Variants in DENND1A observed in about 807,000 individuals in gnomAD.
DENND1A encodes DENN domain containing 1A, also known as DENN domain-containing protein 1A.
In DENND1A, 51 loss-of-function variants were observed where a neutral mutation model predicts 113.7. That is an observed-to-expected ratio of 0.45 (90% confidence interval 0.36 to 0.57). The LOEUF (loss-of-function observed/expected upper bound fraction) is 0.57. Among genes scored for constraint, DENND1A ranks in the 20% least tolerant of loss-of-function variants. The pLI is 0.00. For missense variants in DENND1A, 1,258 were observed against 1,395.9 expected, an observed-to-expected ratio of 0.90 and a Z score of 1.57; for synonymous variants, 565 against 570.8, an observed-to-expected ratio of 0.99 and a Z score of 0.14.
intron 8 of DENND1A, 160 bp from the exon 9 acceptor site, chr9:123,652,283 A>T (rs973469075): frequency 3.3e-6 from 2 of 599,588 alleles, no homozygotes; most frequent in Admixed American, 5.9e-5. Flanking sequence ...CCACATGTGT[A>T]AAATCATGAA....
At chr9:123,662,068 G>A (rs939759100) in intron 8 of DENND1A, among the ~76,000 whole-genome samples, 2 of 152,158 alleles carry the variant, frequency 1.3e-5, no homozygotes, top group African/African-American at 4.8e-5. Context: ...GATGAAAACA[G>A]GCCCGTAGCA....
At chr9:123,554,534 T>C (rs554915879) in intron 13 of DENND1A, among the ~76,000 whole-genome samples, 1 of 152,346 alleles carries the variant, frequency 6.6e-6, no homozygotes, top group South Asian at 2.1e-4. Flanking sequence ...ATTAAATCTA[T>C]AGTTTAAAAA....
intron 13 of DENND1A, among the ~76,000 whole-genome samples, chr9:123,466,755 T>C (rs945647393): frequency 6.6e-6 from 1 of 152,154 alleles, no homozygotes; most frequent in African/African-American, 2.4e-5. Flanking sequence ...ATAAGAAATA[T>C]GATAGGTTTC....
In DENND1A at chr9:123,651,709, G is replaced by A. The variant is rs377613313; in HGVS notation, c.618+304C>T. Among the ~76,000 whole-genome samples, 8 of 152,186 alleles carry A rather than the reference G, an allele frequency of 5.3e-5. 1 individual carries two copies. Among genetic ancestry groups the A allele is most frequent in the Admixed American group, 1.3e-4 (2 of 15,288 alleles). ...GGATTTAGTAAATAATGACACACCCGTATCATGAAATATGGTGTAGACATT... is the reference window on the plus strand; with the variant it reads ...GGATTTAGTAAATAATGACACACCCATATCATGAAATATGGTGTAGACATT... On this transcript the variant is annotated intron_variant, in intron 9 of 23. Transcript: ENST00000394215.
At chr9:123,409,445 C>G (rs1156314235) in intron 20 of DENND1A, among the ~76,000 whole-genome samples, 1 of 151,654 alleles carries the variant, frequency 6.6e-6, no homozygotes, top group Non-Finnish European at 1.5e-5. Flanking sequence ...TAGGGGCACA[C>G]AACCAGGAAG....
intron 13 of DENND1A, among the ~76,000 whole-genome samples, chr9:123,520,147 CAAAAA>C (rs777054330): frequency 5.4e-5 from 2 of 37,318 alleles, no homozygotes; most frequent in Admixed American, 6.0e-4. Flanking sequence ...GATCCTGTCT[CAAAAA>C]AAAAAAAAAA....
rs770150522 is a variant in DENND1A, at chr9:123,457,865, G to T, written c.1026C>A (p.Phe342Leu). Residue 342 changes from phenylalanine (F) to leucine (L), a missense_variant, in exon 14 of 24, where the codon TTC (phenylalanine) becomes TTA (leucine). Phe to Leu is a conservative substitution (Grantham distance 22). This residue lies in a region of DENND1A where 1,159 missense variants were observed against 1,231.7 expected (regional missense o/e 0.94). Transcript: ENST00000394215. Reference sequence around the variant, plus strand: ...TGGCTCCGGAGCGGTAGTGGGACACGAAGGCTTCCTCACAGAAAGTGATCG... The same window carrying T: ...TGGCTCCGGAGCGGTAGTGGGACACTAAGGCTTCCTCACAGAAAGTGATCG... Reference protein sequence around the residue: ...EEPITFCEEAFVSHYRSGAMR... With the variant: ...EEPITFCEEALVSHYRSGAMR... The T allele has an allele frequency of 1.2e-6, 2 of 1,612,580 alleles. No individual in the cohort carries two copies. Among genetic ancestry groups the T allele is most frequent in the South Asian group, 2.2e-5 (2 of 90,588 alleles).
At chr9:123,582,403 CT>C (rs1239970444) in intron 12 of DENND1A, among the ~76,000 whole-genome samples, 286 of 143,976 alleles carry the variant, frequency 2.0e-3, no homozygotes, top group Admixed American at 1.7e-3. Flanking sequence ...TTCTAACTTT[CT>C]TTTTTTTTTT....
intron 19 of DENND1A, among the ~76,000 whole-genome samples, chr9:123,425,948 C>T (rs2045690833): frequency 6.6e-6 from 1 of 152,170 alleles, no homozygotes; most frequent in Non-Finnish European, 1.5e-5. Flanking sequence ...GTGCAGATGC[C>T]CATGAAGAGC....
intron 1 of DENND1A, among the ~76,000 whole-genome samples, chr9:123,903,145 A>C (rs925649925): frequency 1.3e-5 from 2 of 151,312 alleles, no homozygotes; most frequent in Admixed American, 1.3e-4. Flanking sequence ...ATCCCGGCTA[A>C]AACGGTGAAA....
chr9:123,907,421 T>G (rs1265865886), intron 1 of DENND1A, among the ~76,000 whole-genome samples: 1 of 152,072 alleles, frequency 6.6e-6, no homozygotes, highest in South Asian at 2.1e-4. Flanking sequence ...TGTTTGCAGA[T>G]GACATGATTG....
chr9:123,765,188 G>C (rs1239032307), intron 4 of DENND1A, among the ~76,000 whole-genome samples: 1 of 152,136 alleles, frequency 6.6e-6, no homozygotes, highest in Non-Finnish European at 1.5e-5. Context: ...CTTATGCTGT[G>C]ATGGATCTTA....
At chr9:123,689,307 G>A (rs1292488810) in intron 5 of DENND1A, among the ~76,000 whole-genome samples, 1 of 152,168 alleles carries the variant, frequency 6.6e-6, no homozygotes, top group Non-Finnish European at 1.5e-5. Flanking sequence ...TTAAAGGTGT[G>A]AGCCACTGCA....
At position 123,762,750 on chromosome 9, in the gene DENND1A, G is replaced by A. The variant is rs76840309; in HGVS notation, c.183-4928C>T. The stretch of plus-strand genomic sequence containing the variant: ...GGTATTACAAAACCAAAGAAGAAAC[G>A]AAGATAGAGGAAAATGGAAGGGAAG... On this transcript the variant is annotated intron_variant, in intron 4 of 23. Transcript: ENST00000394215. Among the ~76,000 whole-genome samples, 1,495 of 152,296 alleles carry A rather than the reference G, an allele frequency of 9.8e-3. 26 individuals are homozygous for A. The highest frequency in any genetic ancestry group is 0.033 in the African/African-American group (1,356 of 41,568).
At chr9:123,922,863 G>C (rs1320994473) in intron 1 of DENND1A, among the ~76,000 whole-genome samples, 1 of 152,092 alleles carries the variant, frequency 6.6e-6, no homozygotes, top group Admixed American at 6.5e-5. Flanking sequence ...CTTTTCTATA[G>C]GAACATATAT....
intron 5 of DENND1A, among the ~76,000 whole-genome samples, chr9:123,713,466 A>G (rs1589774515): frequency 6.6e-6 from 1 of 152,228 alleles, no homozygotes; most frequent in South Asian, 2.1e-4. Flanking sequence ...CTTAAGAGAC[A>G]TCTGTTATCA....
At chr9:123,614,215 GGCT>G (rs923633561) in intron 10 of DENND1A, among the ~76,000 whole-genome samples, 13 of 152,168 alleles carry the variant, frequency 8.5e-5, no homozygotes, top group African/African-American at 3.1e-4. Context: ...TCAGACGCAA[GGCT>G]GCTGAACAGA....
At chr9:123,702,401 T>C (rs2065934434) in intron 5 of DENND1A, among the ~76,000 whole-genome samples, 1 of 152,024 alleles carries the variant, frequency 6.6e-6, no homozygotes, top group African/African-American at 2.4e-5. Context: ...AAATAAATAA[T>C]AGCAAAAAAT....
At chr9:123,774,663 A>C (rs995007017) in intron 3 of DENND1A, among the ~76,000 whole-genome samples, 1 of 152,172 alleles carries the variant, frequency 6.6e-6, no homozygotes, top group Non-Finnish European at 1.5e-5. Flanking sequence ...CTCAAATGCT[A>C]CAGAGTCTGC....
Sources: gnomAD v4.1 joint callset for allele counts (sites outside exome capture counted in the v4.1 genomes callset) on GRCh38, gnomAD v4.1.1 for gene constraint, gnomAD v4.1.1 regional missense constraint, MANE v1.5 for transcripts, NCBI Gene and HGNC (gene_info 2026-07-23, HGNC 2026-07-21) for gene names.